PDE4B: variants seen among roughly 807,000 people sequenced by gnomAD.
PDE4B encodes the protein 3',5'-cyclic-AMP phosphodiesterase 4B.
Under a neutral mutation model 82.2 loss-of-function variants are expected in PDE4B, and 20 were observed. The observed-to-expected ratio is 0.24, with a 90% confidence interval of 0.17 to 0.35. The LOEUF is 0.35. Ranked by LOEUF, PDE4B falls within the 10% of genes least tolerant of loss-of-function variation. The pLI is 1.00. For missense variants in PDE4B, 655 were observed against 907.2 expected (o/e 0.72, Z 3.57); for synonymous variants, 320 against 318.9 (o/e 1.00, Z -0.04).
At chr1:66,197,970 C>T (rs1273620847) in intron 3 of PDE4B, among the ~76,000 whole-genome samples, 1 of 152,110 alleles carries the variant, frequency 6.6e-6, no homozygotes, top group Admixed American at 6.6e-5. Flanking sequence ...AGAGAGCAGG[C>T]CAAGGAAATC....
At chr1:66,372,195 C>T in intron 16 of PDE4B, 118 bp from the exon 17 acceptor site, 1 of 1,029,940 alleles carries the variant, frequency 9.7e-7, no homozygotes, top group South Asian at 1.5e-5. Context: ...TCATGGAATC[C>T]ATTATGATTG....
chr1:66,229,389 A>C (rs1474045910), intron 3 of PDE4B, among the ~76,000 whole-genome samples: 1 of 152,190 alleles, frequency 6.6e-6, no homozygotes, highest in African/African-American at 2.4e-5. Context: ...GCAGGACATA[A>C]AGATTGTGTG....
intron 7 of PDE4B, among the ~76,000 whole-genome samples, chr1:66,319,058 T>C (rs1031249506): frequency 1.3e-5 from 2 of 152,230 alleles, no homozygotes; most frequent in African/African-American, 4.8e-5. Context: ...TGGTAAAGAC[T>C]GTATATAACA....
At position 66,354,776 on chromosome 1, in the gene PDE4B, G is replaced by A. The variant is rs903243119; in HGVS notation, c.748-751G>A. The stretch of plus-strand genomic sequence containing the variant: ...TCTGCAGGGCTTTCCTGATCCTTTC[G>A]GGATTGCTCTCTCAGAACTGTGAAT... On this transcript the variant is annotated intron_variant, in intron 8 of 16. Coordinates refer to ENST00000341517, the MANE Select transcript of PDE4B (RefSeq NM_002600.4). 2.5e-5 allele frequency: 39 copies of A among 1,530,402 alleles called. No homozygotes were observed. In the African/African-American group the frequency reaches 2.9e-4, roughly 11 times the overall value. The allele number at this position is 1,530,402 out of a possible 1,614,324, so 94.8% of individuals were successfully genotyped here. A position where few individuals can be genotyped will look rare whatever the true frequency, so the allele number is the denominator to read the frequency against.
chr1:66,307,873 T>C (rs1381099796), intron 7 of PDE4B, among the ~76,000 whole-genome samples: 2 of 152,154 alleles, frequency 1.3e-5, no homozygotes, highest in South Asian at 2.1e-4. Flanking sequence ...AAATGTCTGC[T>C]TGCCATTTGC....
intron 3 of PDE4B, among the ~76,000 whole-genome samples, chr1:65,923,569 C>A (rs1647329380): frequency 6.6e-6 from 1 of 152,180 alleles, no homozygotes; most frequent in Admixed American, 6.5e-5. Flanking sequence ...TATCTTAGAA[C>A]CTCTGCTGGA....
chr1:66,240,314 G>A (rs568123896), intron 3 of PDE4B, among the ~76,000 whole-genome samples: 12 of 152,220 alleles, frequency 7.9e-5, no homozygotes, highest in Middle Eastern at 3.4e-3. Context: ...TTAGCACTGG[G>A]GTTAAAAATA....
At chr1:66,137,110 T>C (rs1646075055) in intron 3 of PDE4B, among the ~76,000 whole-genome samples, 1 of 152,110 alleles carries the variant, frequency 6.6e-6, no homozygotes, top group Non-Finnish European at 1.5e-5. Flanking sequence ...GGGGTCAATA[T>C]AGAGTTTTTA....
rs1487227260 is a variant in PDE4B at position 66,373,401 on chromosome 1, A to C, written c.*723A>C. The C allele has an allele frequency of 6.5e-6, 1 of 152,690 alleles. No homozygotes were observed. Among genetic ancestry groups the C allele is most frequent in the Non-Finnish European group, 1.5e-5 (1 of 68,130 alleles). The allele number at this position is 152,690 out of a possible 1,614,324, so 9.5% of individuals were successfully genotyped here. Reference sequence around the variant, plus strand: ...ACTTTTAACTTTTTGCTGTAAACAGAATAAAATTGAACAAATTAGGGGGTA... The same window carrying C: ...ACTTTTAACTTTTTGCTGTAAACAGCATAAAATTGAACAAATTAGGGGGTA... On this transcript the variant is annotated 3_prime_UTR_variant, in exon 17 of 17. Coordinates refer to ENST00000341517, the MANE Select transcript of PDE4B (RefSeq NM_002600.4).
rs144162687 is a variant in PDE4B at position 66,244,415 on chromosome 1, A to G, written c.282-3045A>G. Among the ~76,000 whole-genome samples, 45 of 152,346 alleles carry G rather than the reference A, an allele frequency of 3.0e-4. 1 individual carries two copies. In the East Asian group the frequency reaches 3.9e-3, roughly 13 times the overall value. Reference sequence around the variant, plus strand: ...AAGGCAGAGGCAAAAATTACCCTAAACAAATAATGGCCCTATTTATGTGTT... The same window carrying G: ...AAGGCAGAGGCAAAAATTACCCTAAGCAAATAATGGCCCTATTTATGTGTT... On this transcript the variant is annotated intron_variant, in intron 3 of 16. Transcript: ENST00000341517.
rs114892611 is a variant in PDE4B, at chr1:66,198,414, T to G, written c.282-49046T>G. On this transcript the variant is annotated intron_variant, in intron 3 of 16. Transcript: ENST00000341517. ...GTAACAAAAAACATAAACAAAAAAA[T>G]CATTTGTATTTGACAAAACATTCAT... 7.1e-3 allele frequency among the ~76,000 whole-genome samples: 1,079 copies of G among 152,150 alleles called. 13 individuals are homozygous for G. The highest frequency in any genetic ancestry group is 0.024 in the African/African-American group (1,007 of 41,504).
chr1:66,317,847 T>C (rs1659132654), intron 7 of PDE4B, among the ~76,000 whole-genome samples: 1 of 152,174 alleles, frequency 6.6e-6, no homozygotes, highest in South Asian at 2.1e-4. Flanking sequence ...CAGTGAGCCG[T>C]GATCACGCCA....
At chr1:66,341,155 G>T (rs1284944342) in intron 8 of PDE4B, among the ~76,000 whole-genome samples, 1 of 152,158 alleles carries the variant, frequency 6.6e-6, no homozygotes, top group Admixed American at 6.5e-5. Context: ...GACAAGTGAG[G>T]ATTAAAGTAC....
intron 3 of PDE4B, among the ~76,000 whole-genome samples, chr1:66,012,001 C>G (rs1227136681): frequency 1.3e-5 from 2 of 151,918 alleles, no homozygotes; most frequent in African/African-American, 4.8e-5. Flanking sequence ...TTAATTGAGA[C>G]CAAGACATTA....
intron 3 of PDE4B, among the ~76,000 whole-genome samples, chr1:65,963,287 A>C (rs1349427418): frequency 6.6e-6 from 1 of 152,174 alleles, no homozygotes; most frequent in Admixed American, 6.5e-5. Context: ...GACTGCAGGC[A>C]GTGGGAGGCC....
rs529430314 is a variant in PDE4B at position 66,187,382 on chromosome 1, T to C, written c.282-60078T>C. ...TAGGGAGGATTCCCTCTTTTTCTGT[T>C]GATTGGAATAGTTTCAGAAGGAATG... On this transcript the variant is annotated intron_variant, in intron 3 of 16. Coordinates refer to ENST00000341517, the MANE Select transcript of PDE4B (RefSeq NM_002600.4). Among the ~76,000 whole-genome samples the C allele has an allele frequency of 2.0e-5, 3 of 152,244 alleles. No homozygotes were observed. The South Asian group carries it at 6.2e-4, about 32-fold the overall frequency.
chr1:65,901,411 ATTG>A (rs1646970792), intron 1 of PDE4B, among the ~76,000 whole-genome samples: 1 of 151,838 alleles, frequency 6.6e-6, no homozygotes, highest in Non-Finnish European at 1.5e-5. Context: ...CTGTAGTTTT[ATTG>A]TTGTGCCTTT....
At position 65,977,743 on chromosome 1, in the gene PDE4B, C is replaced by T. The variant is rs573287886; in HGVS notation, c.281+58908C>T. ...TCCTATACAGCATACCATATTTGCT[C>T]TTTGCTCTGAAAAGCTTGCTTTAGG... On this transcript the variant is annotated intron_variant, in intron 3 of 16. Transcript: ENST00000341517. 1.8e-4 allele frequency among the ~76,000 whole-genome samples: 27 copies of T among 152,294 alleles called. 1 individual carries two copies. In the South Asian group the frequency reaches 5.4e-3, roughly 30 times the overall value.
intron 3 of PDE4B, among the ~76,000 whole-genome samples, chr1:66,122,515 T>A (rs1291067725): frequency 6.6e-6 from 1 of 152,172 alleles, no homozygotes; most frequent in Non-Finnish European, 1.5e-5. Context: ...AAATGTATTA[T>A]TGGACTATGA....
Sources: gnomAD v4.1 joint callset for allele counts (sites outside exome capture counted in the v4.1 genomes callset) on GRCh38, gnomAD v4.1.1 for gene constraint, MANE v1.5 for transcripts, NCBI Gene and HGNC (gene_info 2026-07-23, HGNC 2026-07-21) for gene names.